CDH18: variants seen among roughly 807,000 people sequenced by gnomAD.
CDH18 encodes the protein cadherin 18.
Under a neutral mutation model 67.9 loss-of-function variants are expected in CDH18, and 31 were observed. The observed-to-expected ratio is 0.46, with a 90% CI of 0.34 to 0.62. CDH18 has a LOEUF of 0.62. Ranked by LOEUF, CDH18 falls within the 20% of genes least tolerant of loss-of-function variation. The pLI is 0.01. For missense variants in CDH18, 890 were observed against 975.5 expected (o/e 0.91, Z 1.17); for synonymous variants, 362 against 347.2 (o/e 1.04, Z -0.48).
At chr5:20,369,926 G>T (rs1742835740) in intron 1 of CDH18, among the ~76,000 whole-genome samples, 1 of 151,990 alleles carries the variant, frequency 6.6e-6, no homozygotes, top group South Asian at 2.1e-4. Context: ...TGTTACACAG[G>T]TAAACATGTG....
intron 7 of CDH18, among the ~76,000 whole-genome samples, chr5:19,574,499 C>T (rs1008503245): frequency 2.0e-5 from 3 of 151,858 alleles, no homozygotes; most frequent in African/African-American, 2.4e-5. Flanking sequence ...GCTGAATTGC[C>T]GGTACAGGGA....
intron 5 of CDH18, among the ~76,000 whole-genome samples, chr5:19,714,301 C>T (rs1477243308): frequency 6.6e-6 from 1 of 152,064 alleles, no homozygotes; most frequent in Non-Finnish European, 1.5e-5. Context: ...GCATATGTTG[C>T]TACCCTGAGT....
Position 20,501,428 on chromosome 5 carries a change from TATATATTTTATATAC to T in CDH18, c.-580+74019_-580+74033del, listed in dbSNP as rs1322000957. The stretch of plus-strand genomic sequence containing the variant: ...TATATATTTTTATATACATATTATA[TATATATTTTATATAC>T]ATATATTTTATATACATATTATATA... On this transcript the variant is annotated intron_variant, in intron 1 of 14. Coordinates refer to the CDH18 transcript ENST00000507958. Among the ~76,000 whole-genome samples the T allele has an allele frequency of 8.8e-4, 113 of 127,944 alleles. 2 individuals are homozygous for T. The highest frequency in any genetic ancestry group is 2.2e-3 in the South Asian group (9 of 4,180). 83.9% of individuals were successfully genotyped at this position (127,944 alleles called of 152,430 possible).
intron 2 of CDH18, among the ~76,000 whole-genome samples, chr5:20,079,338 C>T (rs917762061): frequency 2.0e-5 from 3 of 152,176 alleles, no homozygotes; most frequent in African/African-American, 7.2e-5. Context: ...TCTGGCTTAT[C>T]TCACTTTACC....
chr5:19,857,152 C>T (rs1314216764), intron 2 of CDH18, among the ~76,000 whole-genome samples: 1 of 151,998 alleles, frequency 6.6e-6, no homozygotes, highest in Non-Finnish European at 1.5e-5. Flanking sequence ...ATCACTTGAG[C>T]CCAGGACTTT....
In CDH18 at chr5:19,473,030, CTTTTTT is replaced by C; in HGVS notation, c.*190_*195del. On this transcript the variant is annotated 3_prime_UTR_variant, in exon 13 of 13. Transcript: ENST00000382275. The stretch of plus-strand genomic sequence containing the variant: ...AACAATAACTTTTTCTTTGTATTGT[CTTTTTT>C]TTTTTTTTTTTACTTTCTTCCAATT... The C allele has an allele frequency of 2.5e-6, 1 of 405,490 alleles. No individual in the cohort carries two copies. The highest frequency in any genetic ancestry group is 4.6e-5 in the South Asian group (1 of 21,600). 25.1% of individuals were successfully genotyped at this position (405,490 alleles called of 1,614,324 possible). A position where few individuals can be genotyped will look rare whatever the true frequency, so the allele number is the denominator to read the frequency against.
At chr5:19,696,633 A>G (rs1022635659) in intron 5 of CDH18, among the ~76,000 whole-genome samples, 1 of 151,904 alleles carries the variant, frequency 6.6e-6, no homozygotes, top group Non-Finnish European at 1.5e-5. Context: ...TGACCTCGTG[A>G]TCCTCCCGCC....
chr5:20,276,459 G>A (rs1395266974), intron 1 of CDH18, among the ~76,000 whole-genome samples: 1 of 152,162 alleles, frequency 6.6e-6, no homozygotes, highest in Admixed American at 6.5e-5. Context: ...CCACTGTCTT[G>A]AAGGCAAAGA....
intron 2 of CDH18, among the ~76,000 whole-genome samples, chr5:20,177,451 T>C (rs532825993): frequency 3.9e-5 from 6 of 152,286 alleles, no homozygotes; most frequent in Non-Finnish European, 7.3e-5. Context: ...GTATATAACA[T>C]TCAATGCAAA....
intron 1 of CDH18, among the ~76,000 whole-genome samples, chr5:20,521,374 G>A (rs1755733042): frequency 6.6e-6 from 1 of 152,140 alleles, no homozygotes; most frequent in Admixed American, 6.6e-5. Context: ...TGTTTCAGAA[G>A]AAGAATGATC....
intron 5 of CDH18, among the ~76,000 whole-genome samples, chr5:19,714,476 T>C (rs1320282460): frequency 6.6e-6 from 1 of 151,996 alleles, no homozygotes; most frequent in African/African-American, 2.4e-5. Context: ...GTTCAGGAAC[T>C]ACTTGGAATT....
At chr5:19,885,643 C>T (rs1788112283) in intron 2 of CDH18, among the ~76,000 whole-genome samples, 1 of 152,130 alleles carries the variant, frequency 6.6e-6, no homozygotes, top group Admixed American at 6.6e-5. Flanking sequence ...TCACTGCAGC[C>T]TAGAGCTTCC....
intron 2 of CDH18, among the ~76,000 whole-genome samples, chr5:20,114,068 G>T (rs1312159708): frequency 6.6e-6 from 1 of 152,118 alleles, no homozygotes; most frequent in African/African-American, 2.4e-5. Flanking sequence ...TGTTTTAGAA[G>T]CATTTGTGAT....
intron 2 of CDH18, among the ~76,000 whole-genome samples, chr5:19,997,110 T>C (rs1057030707): frequency 6.6e-6 from 1 of 152,004 alleles, no homozygotes; most frequent in Non-Finnish European, 1.5e-5. Context: ...TGATAAAGCA[T>C]TGTTGGGATA....
At chr5:19,944,222 G>A (rs1208982981) in intron 2 of CDH18, among the ~76,000 whole-genome samples, 1 of 151,654 alleles carries the variant, frequency 6.6e-6, no homozygotes, top group African/African-American at 2.4e-5. Flanking sequence ...ATTTTGTTTT[G>A]TTTTTACCTG....
At chr5:20,264,221 C>G (rs1026902770) in intron 1 of CDH18, among the ~76,000 whole-genome samples, 54 of 151,990 alleles carry the variant, frequency 3.6e-4, no homozygotes, top group African/African-American at 1.3e-3. Context: ...CATGAATACT[C>G]TATGAAACAG....
At chr5:20,135,036 T>A (rs547757888) in intron 2 of CDH18, among the ~76,000 whole-genome samples, 1 of 152,152 alleles carries the variant, frequency 6.6e-6, no homozygotes, top group Admixed American at 6.6e-5. Flanking sequence ...TTTTTCCCCA[T>A]GAGAGAGAAG....
chr5:19,531,044 C>A (rs369289306), intron 9 of CDH18, among the ~76,000 whole-genome samples: 1 of 152,294 alleles, frequency 6.6e-6, no homozygotes, highest in African/African-American at 2.4e-5. Context: ...TCTTCTGCAT[C>A]GCTCACGCTG....
intron 1 of CDH18, among the ~76,000 whole-genome samples, chr5:20,500,221 C>T (rs762008554): frequency 3.3e-5 from 5 of 152,092 alleles, no homozygotes; most frequent in Non-Finnish European, 5.9e-5. Flanking sequence ...AATTAAATTG[C>T]TGGTGCTATT....
Sources: allele counts gnomAD v4.1 joint callset (sites outside exome capture counted in the v4.1 genomes callset), GRCh38; gene constraint gnomAD v4.1.1; transcripts MANE v1.5; gene names NCBI Gene and HGNC (gene_info 2026-07-23, HGNC 2026-07-21).